The following UNC5B variants were observed in gnomAD, a reference collection of about 807,000 sequenced individuals.
The protein encoded by UNC5B is netrin receptor UNC5B.
UNC5B carries 56 observed loss-of-function variants against 103.7 expected under a neutral mutation model. The observed-to-expected ratio is 0.54, with a 90% confidence interval of 0.44 to 0.67. UNC5B has a LOEUF of 0.67. UNC5B is among the 30% of genes least tolerant of loss of function. The probability of loss-of-function intolerance (pLI) is 0.00; values close to 1 mark genes in which losing one functional copy is unlikely to be tolerated. For missense variants in UNC5B, 1,194 were observed against 1,284.5 expected, an observed-to-expected ratio of 0.93 and a Z score of 1.08; for synonymous variants, 577 against 542.0, an observed-to-expected ratio of 1.06 and a Z score of -0.90.
chr10:71,270,028 G>T (rs932038257), intron 1 of UNC5B, among the ~76,000 whole-genome samples: 2 of 152,146 alleles, frequency 1.3e-5, no homozygotes, highest in Non-Finnish European at 2.9e-5. Context: ...AGGAAAACAC[G>T]CCTGGTGGGG....
intron 1 of UNC5B, among the ~76,000 whole-genome samples, chr10:71,237,233 T>A (rs1843792584): frequency 6.6e-6 from 1 of 152,232 alleles, no homozygotes; most frequent in African/African-American, 2.4e-5. Flanking sequence ...CTCGTGTTTA[T>A]GTGGAAAAGC....
In UNC5B at chr10:71,291,415, A is replaced by C. The variant is rs1293669920; in HGVS notation, c.1295-17A>C. 1.9e-6 allele frequency: 3 copies of C among 1,579,884 alleles called. No individual in the cohort carries two copies. Among genetic ancestry groups the C allele is most frequent in the Middle Eastern group, 3.4e-4 (2 of 5,846 alleles). ...CTGAGGCACAGCTGGGTCTGACTAT[A>C]GCCCCTACTCCTGCAGGCAACCCGC... On this transcript the variant is annotated splice_polypyrimidine_tract_variant and intron_variant, in intron 9 of 16. Coordinates refer to ENST00000335350, the MANE Select transcript of UNC5B (RefSeq NM_170744.5).
At chr10:71,221,298 G>C (rs1446693290) in intron 1 of UNC5B, among the ~76,000 whole-genome samples, 1 of 152,152 alleles carries the variant, frequency 6.6e-6, no homozygotes, top group African/African-American at 2.4e-5. Context: ...GAGGCAGCCT[G>C]GGCATGTGCG....
At chr10:71,278,128 G>C (rs1428004532) in intron 1 of UNC5B, among the ~76,000 whole-genome samples, 1 of 152,224 alleles carries the variant, frequency 6.6e-6, no homozygotes, top group Non-Finnish European at 1.5e-5. Context: ...TCTCTAAAAT[G>C]GGGTCTAATA....
chr10:71,280,387 G>A (rs4333942), intron 2 of UNC5B, among the ~76,000 whole-genome samples: 104,652 of 152,092 alleles, frequency 0.69, 37,382 homozygotes, highest in Non-Finnish European at 0.78. Context: ...GCACCCCACG[G>A]CACCGACCCA....
rs139043828 is a variant in UNC5B at position 71,251,669 on chromosome 10, T to C, written c.80-28152T>C. ...AGTGATTAAAGTTGCAGAGTATACA[T>C]GGTTCCTGCAAAGACCCAGAAGGGG... On this transcript the variant is annotated intron_variant, in intron 1 of 16. Coordinates refer to ENST00000335350, the MANE Select transcript of UNC5B (RefSeq NM_170744.5). Among the ~76,000 whole-genome samples the C allele has an allele frequency of 1.8e-3, 272 of 152,344 alleles. 3 individuals are homozygous for C. The highest frequency in any genetic ancestry group is 6.0e-3 in the African/African-American group (249 of 41,576).
At chr10:71,242,534 T>A (rs1296944078) in intron 1 of UNC5B, among the ~76,000 whole-genome samples, 1 of 152,124 alleles carries the variant, frequency 6.6e-6, no homozygotes, top group Non-Finnish European at 1.5e-5. Context: ...TCTAGAGACA[T>A]CAACACAGCC....
chr10:71,292,321 C>T, intron 10 of UNC5B, 146 bp from the exon 11 acceptor site: 1 of 682,670 alleles, frequency 1.5e-6, no homozygotes, highest in South Asian at 1.9e-5. Context: ...TGCATCCAGT[C>T]CCCAGACCCT....
Position 71,296,564 on chromosome 10 carries a change from CCCT to C in UNC5B, c.2326-7_2326-5del. ...TGGCCTTGCCTGCCTGGTCCTGACCCCCTCCTCCTGCAGGAGATCCCCTTCTAT... is the reference window on the plus strand; with the variant it reads ...TGGCCTTGCCTGCCTGGTCCTGACCCCCTCCTGCAGGAGATCCCCTTCTAT... On this transcript the variant is annotated splice_polypyrimidine_tract_variant and intron_variant, in intron 14 of 16. Coordinates refer to ENST00000335350, the MANE Select transcript of UNC5B (RefSeq NM_170744.5). 2 of 1,613,098 alleles carry C rather than the reference CCCT, an allele frequency of 1.2e-6. No homozygotes were observed. Among genetic ancestry groups the C allele is most frequent in the Non-Finnish European group, 1.7e-6 (2 of 1,179,788 alleles).
intron 1 of UNC5B, among the ~76,000 whole-genome samples, chr10:71,235,948 CCTGGGAG>C (rs1384610897): frequency 6.6e-6 from 1 of 152,250 alleles, no homozygotes; most frequent in African/African-American, 2.4e-5. Flanking sequence ...GTCCTACTGC[CCTGGGAG>C]CTGGGAGCCC....
intron 1 of UNC5B, among the ~76,000 whole-genome samples, chr10:71,236,681 T>C (rs938614867): frequency 6.6e-6 from 1 of 152,218 alleles, no homozygotes; most frequent in African/African-American, 2.4e-5. Flanking sequence ...CACTGGAGAC[T>C]CCCTGGCTCT....
intron 10 of UNC5B, 88 bp downstream of exon 10, chr10:71,291,909 T>C (rs1845275533): frequency 2.0e-6 from 3 of 1,469,916 alleles, no homozygotes; most frequent in African/African-American, 1.4e-5. Context: ...AAGATAGGGC[T>C]GCCCTAATCC....
chr10:71,256,743 G>C (rs1400246955), intron 1 of UNC5B, among the ~76,000 whole-genome samples: 1 of 152,234 alleles, frequency 6.6e-6, no homozygotes, highest in Non-Finnish European at 1.5e-5. Flanking sequence ...TTTGGTGTGT[G>C]GGTTTTGATA....
At chr10:71,287,254 G>T (rs78431463) in intron 5 of UNC5B, among the ~76,000 whole-genome samples, 8,923 of 152,272 alleles carry the variant, frequency 0.059, 343 homozygotes, top group South Asian at 0.09. Flanking sequence ...GAGGTGACTT[G>T]ACAGAGTTTT....
Position 71,300,017 on chromosome 10 carries a change from G to GAGT in UNC5B, c.*741_*743dup, listed in dbSNP as rs1050719719. On this transcript the variant is annotated 3_prime_UTR_variant, in exon 17 of 17. Coordinates refer to ENST00000335350, the MANE Select transcript of UNC5B (RefSeq NM_170744.5). ...TGGGCACGCTCACACTTCTGGCCAG[G>GAGT]AGTGAATGTGCCTGTGTGTGTGTGT... The GAGT allele has an allele frequency of 2.1e-5, 3 of 145,948 alleles. No homozygotes were observed. Among genetic ancestry groups the GAGT allele is most frequent in the Admixed American group, 6.8e-5 (1 of 14,668 alleles). The allele number at this position is 145,948 out of a possible 1,614,324, so 9.0% of individuals were successfully genotyped here.
rs371454921 is a variant in UNC5B, at chr10:71,251,690, AGGGGTCTT to A, written c.80-28130_80-28123del. 1.9e-3 allele frequency among the ~76,000 whole-genome samples: 295 copies of A among 152,356 alleles called. 1 individual carries two copies. Among genetic ancestry groups the A allele is most frequent in the African/African-American group, 6.5e-3 (272 of 41,574 alleles). On this transcript the variant is annotated intron_variant, in intron 1 of 16. Coordinates refer to ENST00000335350, the MANE Select transcript of UNC5B (RefSeq NM_170744.5). The stretch of plus-strand genomic sequence containing the variant: ...TACATGGTTCCTGCAAAGACCCAGA[AGGGGTCTT>A]CTCGGTCCATATCTGAAACCCTTGC...
chr10:71,255,946 A>C (rs1445339888), intron 1 of UNC5B, among the ~76,000 whole-genome samples: 1 of 152,190 alleles, frequency 6.6e-6, no homozygotes, highest in African/African-American at 2.4e-5. Context: ...GGTGGGGAGG[A>C]AATCGACTAT....
At chr10:71,291,214 T>C in intron 9 of UNC5B, 105 bp downstream of exon 9, 3 of 1,437,604 alleles carry the variant, frequency 2.1e-6, no homozygotes, top group East Asian at 2.3e-5. Flanking sequence ...CCCAGGGTTT[T>C]TCCAGAGTTT....
At chr10:71,287,899 T>G in intron 6 of UNC5B, 134 bp downstream of exon 6, 72 of 1,149,474 alleles carry the variant, frequency 6.3e-5, no homozygotes, top group Non-Finnish European at 7.6e-5. Context: ...CACAGCCGGC[T>G]GCCCAGGCTG....
Sources: allele counts gnomAD v4.1 joint callset (sites outside exome capture counted in the v4.1 genomes callset), GRCh38; gene constraint gnomAD v4.1.1; transcripts MANE v1.5; gene names NCBI Gene and HGNC (gene_info 2026-07-23, HGNC 2026-07-21).